Variants in AP4E1 observed in about 807,000 individuals in gnomAD.
AP4E1 encodes adaptor related protein complex 4 subunit epsilon 1.
In AP4E1, 56 loss-of-function variants were observed where a neutral mutation model predicts 128.2. The observed-to-expected ratio is 0.44, with a 90% confidence interval of 0.35 to 0.55. AP4E1 has a LOEUF of 0.55. Ranked by LOEUF, AP4E1 falls within the 20% of genes least tolerant of loss-of-function variation. The probability of loss-of-function intolerance (pLI) is 0.00; values close to 1 mark genes in which losing one functional copy is unlikely to be tolerated. For synonymous variants in AP4E1, 484 were observed against 473.1 expected (o/e 1.02, Z -0.30); for missense variants, 1,324 against 1,307.7 (o/e 1.01, Z -0.19).
chr15:50,982,461 C>G (rs998036576), intron 15 of AP4E1, among the ~76,000 whole-genome samples: 1 of 152,124 alleles, frequency 6.6e-6, no homozygotes, highest in African/African-American at 2.4e-5. Context: ...ATTTTGAGCC[C>G]TACTCCTATT....
At chr15:50,991,823 TTAG>T (rs1158104825) in intron 16 of AP4E1, among the ~76,000 whole-genome samples, 1 of 152,104 alleles carries the variant, frequency 6.6e-6, no homozygotes, top group Non-Finnish European at 1.5e-5. Context: ...CTAATAATAA[TTAG>T]TAGAAATATT....
intron 15 of AP4E1, 85 bp from the exon 16 acceptor site, chr15:50,983,937 G>A: frequency 1.4e-6 from 2 of 1,418,394 alleles, no homozygotes; most frequent in Non-Finnish European, 2.0e-6. Flanking sequence ...TTCCAGGCTT[G>A]AATTATTGTG....
intron 2 of AP4E1, among the ~76,000 whole-genome samples, chr15:50,914,361 G>T (rs1437530013): frequency 6.6e-6 from 1 of 151,936 alleles, no homozygotes; most frequent in Non-Finnish European, 1.5e-5. Flanking sequence ...TATTAAAATA[G>T]TCTATGTGGA....
chr15:50,950,295 G>C (rs1201967567), intron 13 of AP4E1, 126 bp downstream of exon 13: 1 of 644,354 alleles, frequency 1.6e-6, no homozygotes, highest in Non-Finnish European at 2.7e-6. Context: ...TTTTTCAAAT[G>C]GCCACCATCT....
At chr15:50,981,919 C>T (rs2064647334) in intron 15 of AP4E1, among the ~76,000 whole-genome samples, 1 of 151,952 alleles carries the variant, frequency 6.6e-6, no homozygotes, top group African/African-American at 2.4e-5. Context: ...AACCACGTCT[C>T]TACTAAAAAT....
chr15:50,909,267 T>G (rs192109814), intron 1 of AP4E1, among the ~76,000 whole-genome samples: 10 of 152,264 alleles, frequency 6.6e-5, no homozygotes. Flanking sequence ...GAGGATTGGG[T>G]GAGATGTCAA....
At chr15:50,912,657 A>ATT (rs200052940) in intron 2 of AP4E1, among the ~76,000 whole-genome samples, 12 of 144,242 alleles carry the variant, frequency 8.3e-5, no homozygotes, top group Non-Finnish European at 1.2e-4. Flanking sequence ...ACTCAGTTTG[A>ATT]TTTTTTTTTT....
chr15:50,958,407 G>A lies in AP4E1; in HGVS notation c.1549-85G>A, dbSNP rs970541291. 1.4e-5 allele frequency: 16 copies of A among 1,113,940 alleles called. No homozygotes were observed. In the African/African-American group the frequency reaches 2.4e-4, roughly 16 times the overall value. The allele number at this position is 1,113,940 out of a possible 1,614,324, so 69.0% of individuals were successfully genotyped here. Reference sequence around the variant, plus strand: ...TTTAATCTACTTTAAATTCACTCTAGCAGTAGGTACTTTGTTTAGATTTTA... The same window carrying A: ...TTTAATCTACTTTAAATTCACTCTAACAGTAGGTACTTTGTTTAGATTTTA... On this transcript the variant is annotated intron_variant, in intron 13 of 20. Coordinates refer to ENST00000261842, the MANE Select transcript of AP4E1 (RefSeq NM_007347.5).
In AP4E1 at chr15:50,997,758, A is replaced by G. The variant is rs773016730; in HGVS notation, c.2779A>G (p.Ile927Val). Reference sequence around the variant, plus strand: ...TATGGAAGTCTGTAATAATGAAACTATATCAGTGTCTTCTTATAAAATTTG... The same window carrying G: ...TATGGAAGTCTGTAATAATGAAACTGTATCAGTGTCTTCTTATAAAATTTG... Reference protein sequence around the residue: ...NAMEVCNNETISVSSYKIWKD... With the variant: ...NAMEVCNNETVSVSSYKIWKD... Residue 927 changes from isoleucine (I) to valine (V), a missense_variant, in exon 18 of 21, where the codon ATA (isoleucine) becomes GTA (valine). Physicochemically the swap from Ile to Val is conservative, Grantham distance 29. Transcript: ENST00000261842. The G allele has an allele frequency of 3.0e-5, 48 of 1,612,568 alleles. No individual in the cohort carries two copies. Among genetic ancestry groups the G allele is most frequent in the East Asian group, 2.2e-5 (1 of 44,852 alleles).
rs768865060 is a variant in AP4E1 at position 51,002,486 on chromosome 15, T to G, written c.3254-16T>G. 2 of 1,613,904 alleles carry G rather than the reference T, an allele frequency of 1.2e-6. No individual in the cohort carries two copies. Among genetic ancestry groups the G allele is most frequent in the Admixed American group, 3.3e-5 (2 of 60,016 alleles). On this transcript the variant is annotated splice_polypyrimidine_tract_variant and intron_variant, in intron 20 of 20. Coordinates refer to ENST00000261842, the MANE Select transcript of AP4E1 (RefSeq NM_007347.5). ...CCTTTTGCATTAAATCATTTTTCAC[T>G]TTTGTTTTGTTTTAGGCAATGAAGG...
intron 15 of AP4E1, among the ~76,000 whole-genome samples, chr15:50,970,255 C>T (rs1042005567): frequency 6.6e-6 from 1 of 152,166 alleles, no homozygotes; most frequent in African/African-American, 2.4e-5. Context: ...TCCATGTTGC[C>T]ATGAATGACA....
chr15:50,917,200 G>A (rs1007538757), intron 3 of AP4E1, among the ~76,000 whole-genome samples: 4 of 152,196 alleles, frequency 2.6e-5, no homozygotes, highest in African/African-American at 9.6e-5. Context: ...CCATTGTTGA[G>A]CATTTTGAGA....
chr15:50,981,486 G>T (rs62018166), intron 15 of AP4E1, among the ~76,000 whole-genome samples: 26,054 of 152,182 alleles, frequency 0.17, 2,458 homozygotes, highest in African/African-American at 0.23. Context: ...CAGCTGGAGA[G>T]AAATTTGCTT....
chr15:50,999,243 T>A lies in AP4E1; in HGVS notation c.3076T>A (p.Ser1026Thr). 6.2e-7 allele frequency: 1 copy of A among 1,611,584 alleles called. No individual in the cohort carries two copies. The highest frequency in any genetic ancestry group is 1.1e-5 in the South Asian group (1 of 90,832). The change falls in exon 19 of 21, where the codon TCA becomes ACA. Residue 1026 changes from serine to threonine, a missense_variant. Transcript: ENST00000261842. ...SAQLEFSVNL[S>T]LLDFIRPLKI... ...TCAGCTGGAATTTTCTGTAAACTTA[T>A]CACTATTAGATTTCATTAGGTAAAT...
chr15:50,941,596 CAG>C lies in AP4E1; in HGVS notation c.1066+36_1066+37del, dbSNP rs749853729. On this transcript the variant is annotated intron_variant, in intron 9 of 20. Transcript: ENST00000261842. ...TGATTGGTTCTTTTGACAGAAATTACAGAGATAGCTTTTGAAATTTGCTGTGT... is the reference window on the plus strand; with the variant it reads ...TGATTGGTTCTTTTGACAGAAATTACAGATAGCTTTTGAAATTTGCTGTGT... 786 of 1,612,416 alleles carry C rather than the reference CAG, an allele frequency of 4.9e-4. 2 individuals are homozygous for C. The highest frequency in any genetic ancestry group is 6.3e-4 in the Non-Finnish European group (739 of 1,179,160).
intron 15 of AP4E1, among the ~76,000 whole-genome samples, chr15:50,978,447 AAT>A (rs1169914639): frequency 6.6e-6 from 1 of 152,208 alleles, no homozygotes; most frequent in Non-Finnish European, 1.5e-5. Flanking sequence ...TGGTTAGAGA[AAT>A]ATAGCCAAGT....
intron 1 of AP4E1, among the ~76,000 whole-genome samples, chr15:50,911,763 CT>C (rs1401286277): frequency 6.6e-6 from 1 of 152,092 alleles, no homozygotes; most frequent in Non-Finnish European, 1.5e-5. Context: ...CAGGCATGAG[CT>C]GTTGTGCCCG....
In AP4E1 at chr15:50,929,031, G is replaced by A. The variant is rs778335326; in HGVS notation, c.565G>A (p.Val189Ile). The A allele has an allele frequency of 6.2e-7, 1 of 1,613,756 alleles. No individual in the cohort carries two copies. The highest frequency in any genetic ancestry group is 1.1e-5 in the South Asian group (1 of 91,076). Reference sequence around the variant, plus strand: ...CAGGGAGATTGTACGAAGAAAAGCTGTTCTGGCATTATACAAATTCCATCT... The same window carrying A: ...CAGGGAGATTGTACGAAGAAAAGCTATTCTGGCATTATACAAATTCCATCT... ...HSKEIVRRKA[V>I]LALYKFHLIA... The change falls in exon 6 of 21, where the codon GTT becomes ATT. Residue 189 changes from valine to isoleucine, a missense_variant. Val to Ile is a conservative substitution (Grantham distance 29). Coordinates refer to ENST00000261842, the MANE Select transcript of AP4E1 (RefSeq NM_007347.5).
chr15:50,967,834 A>G (rs1366582492), intron 14 of AP4E1, among the ~76,000 whole-genome samples: 1 of 152,182 alleles, frequency 6.6e-6, no homozygotes, highest in African/African-American at 2.4e-5. Flanking sequence ...ATTTTTTGAG[A>G]CAGAATCTTG....
Sources: gnomAD v4.1 joint callset for allele counts (sites outside exome capture counted in the v4.1 genomes callset) on GRCh38, gnomAD v4.1.1 for gene constraint, MANE v1.5 for transcripts, NCBI Gene and HGNC (gene_info 2026-07-23, HGNC 2026-07-21) for gene names.